PDE10A: variants seen among roughly 807,000 people sequenced by gnomAD.
PDE10A encodes phosphodiesterase 10A.
A neutral mutation model predicts 97.7 loss-of-function variants in PDE10A; 39 were observed. That is an observed-to-expected ratio of 0.40 (90% CI 0.31 to 0.52). The LOEUF (loss-of-function observed/expected upper bound fraction) is 0.52, where lower values mean the gene tolerates loss of function less well. Among genes scored for constraint, PDE10A ranks in the 20% least tolerant of loss-of-function variants. PDE10A has a pLI of 0.56. For synonymous variants in PDE10A, 371 were observed against 376.8 expected (o/e 0.98, Z 0.18); for missense variants, 731 against 1,047.8 (o/e 0.70, Z 4.17).
intron 2 of PDE10A, among the ~76,000 whole-genome samples, chr6:165,500,926 A>G (rs1160191459): frequency 1.3e-5 from 2 of 152,158 alleles, no homozygotes; most frequent in Non-Finnish European, 2.9e-5. Context: ...GTGTACGTGC[A>G]CATCAAGGCA....
intron 1 of PDE10A, among the ~76,000 whole-genome samples, chr6:165,834,883 T>G (rs979467922): frequency 1.3e-5 from 2 of 152,236 alleles, no homozygotes; most frequent in Non-Finnish European, 2.9e-5. Flanking sequence ...GAGCTGGGGA[T>G]GCAGAAGTGA....
intron 1 of PDE10A, among the ~76,000 whole-genome samples, chr6:165,815,158 GC>G (rs1300532223): frequency 6.6e-6 from 1 of 151,970 alleles, no homozygotes; most frequent in African/African-American, 2.4e-5. Flanking sequence ...AGTGCCCTGG[GC>G]CCAGCTCCTT....
chr6:165,750,191 A>AG (rs1166520007), intron 1 of PDE10A, among the ~76,000 whole-genome samples: 3 of 152,238 alleles, frequency 2.0e-5, no homozygotes, highest in African/African-American at 7.2e-5. Context: ...AGACAGAGAA[A>AG]GGAGTGAAGG....
chr6:165,407,303 T>TG (rs1279522066), intron 13 of PDE10A, among the ~76,000 whole-genome samples: 8 of 152,176 alleles, frequency 5.3e-5, no homozygotes, highest in Admixed American at 1.3e-4. Flanking sequence ...CGGGGACCAG[T>TG]CTGCATGCAT....
At chr6:165,704,722 A>T (rs751375486) in intron 1 of PDE10A, among the ~76,000 whole-genome samples, 1 of 152,170 alleles carries the variant, frequency 6.6e-6, no homozygotes, top group Admixed American at 6.5e-5. Flanking sequence ...CTTTTTGTGG[A>T]TGTATGAGAA....
intron 17 of PDE10A, among the ~76,000 whole-genome samples, chr6:165,382,064 C>A (rs2128208628): frequency 6.6e-6 from 1 of 152,216 alleles, no homozygotes; most frequent in East Asian, 1.9e-4. Context: ...ACTTTTTACA[C>A]CCACGAATGT....
At chr6:165,366,769 G>C (rs946946188) in intron 18 of PDE10A, among the ~76,000 whole-genome samples, 1 of 152,150 alleles carries the variant, frequency 6.6e-6, no homozygotes, top group Non-Finnish European at 1.5e-5. Context: ...ATCCCTGACA[G>C]AGTACACCAA....
intron 1 of PDE10A, among the ~76,000 whole-genome samples, chr6:165,955,425 T>C (rs572349191): frequency 6.6e-6 from 1 of 152,212 alleles, no homozygotes; most frequent in South Asian, 2.1e-4. Context: ...TGGAAGTGAC[T>C]GGTCCCTTAT....
At chr6:165,528,269 G>T (rs1336703654) in intron 2 of PDE10A, among the ~76,000 whole-genome samples, 1 of 152,230 alleles carries the variant, frequency 6.6e-6, no homozygotes, top group Non-Finnish European at 1.5e-5. Flanking sequence ...AGCAGAGGAG[G>T]AGTTTAGTAA....
chr6:165,886,554 A>T (rs1211036891), intron 1 of PDE10A, among the ~76,000 whole-genome samples: 1 of 152,262 alleles, frequency 6.6e-6, no homozygotes, highest in Non-Finnish European at 1.5e-5. Flanking sequence ...CAGAATCCAG[A>T]AGTTGCTCAG....
intron 1 of PDE10A, among the ~76,000 whole-genome samples, chr6:165,735,822 G>A (rs1792562800): frequency 6.6e-6 from 1 of 152,222 alleles, no homozygotes; most frequent in African/African-American, 2.4e-5. Flanking sequence ...CTGGGCATCT[G>A]CCCTGGCCCA....
chr6:165,870,540 T>C (rs1192646928), intron 1 of PDE10A, among the ~76,000 whole-genome samples: 2 of 152,000 alleles, frequency 1.3e-5, no homozygotes. Context: ...TAGAAAACAA[T>C]ATGAAAGTTC....
At chr6:165,811,856 A>AT (rs951161285) in intron 1 of PDE10A, among the ~76,000 whole-genome samples, 17 of 145,744 alleles carry the variant, frequency 1.2e-4, no homozygotes, top group African/African-American at 3.7e-4. Context: ...TTTATTTTTT[A>AT]TTTTTTTATT....
chr6:165,638,388 CAG>C (rs887207888), intron 1 of PDE10A, among the ~76,000 whole-genome samples: 1 of 149,942 alleles, frequency 6.7e-6, no homozygotes, highest in Non-Finnish European at 1.5e-5. Flanking sequence ...AGGCAAGAGA[CAG>C]AGAGAGAGGG....
At position 165,770,913 on chromosome 6, in the gene PDE10A, C is replaced by G. The variant is rs1325707043; in HGVS notation, c.-615+216616G>C. On this transcript the variant is annotated intron_variant, in intron 1 of 19. Transcript: ENST00000366882. ...CACTGCGCCTCCACCCGGCCATTGT[C>G]CCCCCATTCATCCTGTAAACGGTAT... is the stretch of plus-strand genomic sequence containing the variant. Among the ~76,000 whole-genome samples the G allele has an allele frequency of 2.0e-5, 3 of 152,194 alleles. No homozygotes were observed. The East Asian group carries it at 5.8e-4, about 29-fold the overall frequency.
intron 10 of PDE10A, among the ~76,000 whole-genome samples, chr6:165,428,015 A>C (rs1318684985): frequency 6.6e-6 from 1 of 152,116 alleles, no homozygotes; most frequent in Non-Finnish European, 1.5e-5. Flanking sequence ...TAAAAAAAAA[A>C]CTTATCAGTA....
At chr6:165,633,307 G>A (rs1788719015) in intron 1 of PDE10A, among the ~76,000 whole-genome samples, 1 of 152,122 alleles carries the variant, frequency 6.6e-6, no homozygotes, top group South Asian at 2.1e-4. Flanking sequence ...AAGGGGCACA[G>A]GTTGGCACAC....
intron 1 of PDE10A, among the ~76,000 whole-genome samples, chr6:165,964,479 G>T (rs989833226): frequency 7.9e-5 from 12 of 152,182 alleles, no homozygotes; most frequent in African/African-American, 2.7e-4. Flanking sequence ...AAATCTGGGC[G>T]TAATGGTCTG....
At position 165,488,029 on chromosome 6, in the gene PDE10A, CAAAAAAA is replaced by C. The variant is rs58319021; in HGVS notation, c.995-5693_995-5687del. Among the ~76,000 whole-genome samples the C allele has an allele frequency of 3.6e-3, 302 of 83,382 alleles. 2 individuals carry two copies. The Middle Eastern group carries it at 0.063, about 18-fold the overall frequency. 54.7% of individuals were successfully genotyped at this position (83,382 alleles called of 152,430 possible). A position where few individuals can be genotyped will look rare whatever the true frequency, so the allele number is the denominator to read the frequency against. ...GAGGCACTGATGAGGAACAAATTGG[CAAAAAAA>C]AAAAAAAAAAAAAAAAAAGTTCCAG... On this transcript the variant is annotated intron_variant, in intron 2 of 21. Coordinates refer to ENST00000539869, the MANE Select transcript of PDE10A (RefSeq NM_001385079.1).
Sources: gnomAD v4.1 joint callset for allele counts (sites outside exome capture counted in the v4.1 genomes callset) on GRCh38, gnomAD v4.1.1 for gene constraint, MANE v1.5 for transcripts, NCBI Gene and HGNC (gene_info 2026-07-23, HGNC 2026-07-21) for gene names.